SOBP: variants seen among roughly 807,000 people sequenced by gnomAD.
The protein encoded by SOBP is sine oculis-binding protein homolog.
SOBP carries 4 observed loss-of-function variants against 53.6 expected under a neutral mutation model. The ratio of observed to expected loss-of-function variants is 0.07; its 90% CI spans 0.04 to 0.17. SOBP has a LOEUF of 0.17. Among genes scored for constraint, SOBP ranks in the 10% least tolerant of loss-of-function variants. SOBP has a pLI of 1.00. For missense variants in SOBP, 1,088 were observed against 1,204.7 expected, an observed-to-expected ratio of 0.90 and a Z score of 1.43; for synonymous variants, 584 against 522.6, an observed-to-expected ratio of 1.12 and a Z score of -1.60.
Position 107,658,607 on chromosome 6 carries a change from T to C in SOBP, c.*404T>C, listed in dbSNP as rs2114261132. The C allele has an allele frequency of 6.5e-6, 1 of 152,782 alleles. No individual in the cohort carries two copies. The highest frequency in any genetic ancestry group is 2.4e-5 in the African/African-American group (1 of 41,576). The allele number at this position is 152,782 out of a possible 1,614,324, so 9.5% of individuals were successfully genotyped here. ...ATATGGATTGGAACACAAAAAATCT[T>C]TTTTTAATCTTTTTAAAAACTGCTG... is the stretch of plus-strand genomic sequence containing the variant. On this transcript the variant is annotated 3_prime_UTR_variant, in exon 7 of 7. Transcript: ENST00000317357.
At chr6:107,518,071 T>C (rs1157953758) in intron 3 of SOBP, among the ~76,000 whole-genome samples, 1 of 152,138 alleles carries the variant, frequency 6.6e-6, no homozygotes, top group Non-Finnish European at 1.5e-5. Flanking sequence ...AGCAAATCAC[T>C]GAGTACCAGA....
At chr6:107,633,093 G>A (rs1416499869) in intron 5 of SOBP, among the ~76,000 whole-genome samples, 1 of 152,230 alleles carries the variant, frequency 6.6e-6, no homozygotes, top group Non-Finnish European at 1.5e-5. Flanking sequence ...GAGGAGAATT[G>A]TAAGGGGTAA....
Position 107,640,979 on chromosome 6 carries a change from A to G in SOBP, c.*3+5510A>G, listed in dbSNP as rs78804067. ...ACTCGTCCCTGGATGGCCTTCAGCA[A>G]CTCCCCCTGAAATTTCATGGAAAGT... is the stretch of plus-strand genomic sequence containing the variant. On this transcript the variant is annotated intron_variant, in intron 6 of 6. Coordinates refer to ENST00000317357, the MANE Select transcript of SOBP (RefSeq NM_018013.4). Among the ~76,000 whole-genome samples, 1,154 of 151,886 alleles carry G rather than the reference A, an allele frequency of 7.6e-3. 18 individuals are homozygous for G. Among genetic ancestry groups the G allele is most frequent in the East Asian group, 0.028 (146 of 5,166 alleles).
chr6:107,617,803 G>C (rs957012449), intron 5 of SOBP, among the ~76,000 whole-genome samples: 5 of 148,900 alleles, frequency 3.4e-5, no homozygotes, highest in African/African-American at 1.2e-4. Flanking sequence ...TGGGCAGCTT[G>C]GGTTGTTGTA....
rs12661385 is a variant in SOBP at position 107,600,791 on chromosome 6, A to T, written c.669+13616A>T. On this transcript the variant is annotated intron_variant, in intron 5 of 6. Coordinates refer to ENST00000317357, the MANE Select transcript of SOBP (RefSeq NM_018013.4). ...CCATCATGTTTACCACAGAATCCAC[A>T]TCATCAATGCCATCTATCTAGTCAG... is the stretch of plus-strand genomic sequence containing the variant. 2.0e-5 allele frequency among the ~76,000 whole-genome samples: 3 copies of T among 152,124 alleles called. No homozygotes were observed. The South Asian group carries it at 6.2e-4, about 31-fold the overall frequency.
intron 6 of SOBP, among the ~76,000 whole-genome samples, chr6:107,646,924 A>G (rs1771584559): frequency 6.6e-6 from 1 of 152,198 alleles, no homozygotes; most frequent in African/African-American, 2.4e-5. Context: ...TCTCTATGTC[A>G]TGAGTAATGA....
Position 107,503,112 on chromosome 6 carries a change from T to G in SOBP, c.97-545T>G, listed in dbSNP as rs141189917. On this transcript the variant is annotated intron_variant, in intron 1 of 6. Coordinates refer to ENST00000317357, the MANE Select transcript of SOBP (RefSeq NM_018013.4). ...GAAAAAAATAAAAAAGGAAGACCCT[T>G]GTAACCTATTGTAACCTAGCTTTCT... Among the ~76,000 whole-genome samples the G allele has an allele frequency of 1.1e-3, 160 of 152,322 alleles. 2 individuals carry two copies. In the East Asian group the frequency reaches 0.024, roughly 23 times the overall value.
chr6:107,592,661 C>T (rs923117286), intron 5 of SOBP, among the ~76,000 whole-genome samples: 10 of 152,184 alleles, frequency 6.6e-5, no homozygotes, highest in African/African-American at 2.4e-4. Flanking sequence ...ATGATGTATG[C>T]ATACATTGTA....
chr6:107,537,819 C>CAAAAAAAAA (rs527261424), intron 4 of SOBP, among the ~76,000 whole-genome samples: 1 of 94,676 alleles, frequency 1.1e-5, no homozygotes, highest in Non-Finnish European at 2.2e-5. Flanking sequence ...GACCCTATCT[C>CAAAAAAAAA]AAAAAAAAAA....
chr6:107,498,576 C>T (rs1782756184), intron 1 of SOBP, among the ~76,000 whole-genome samples: 1 of 151,828 alleles, frequency 6.6e-6, no homozygotes, highest in Admixed American at 6.6e-5. Context: ...TCATTCACAG[C>T]TCCTCAGAAA....
intron 6 of SOBP, among the ~76,000 whole-genome samples, chr6:107,642,288 A>G (rs1771362515): frequency 6.6e-6 from 1 of 152,152 alleles, no homozygotes; most frequent in South Asian, 2.1e-4. Flanking sequence ...ACATGAGACC[A>G]TCAACAGGGA....
intron 5 of SOBP, among the ~76,000 whole-genome samples, chr6:107,608,873 G>A (rs1291222904): frequency 1.3e-5 from 2 of 152,204 alleles, no homozygotes; most frequent in Admixed American, 6.5e-5. Context: ...TGGGGAGAGG[G>A]AATCCAGTGA....
chr6:107,533,129 G>A (rs925800942), intron 3 of SOBP, among the ~76,000 whole-genome samples: 1 of 148,678 alleles, frequency 6.7e-6, no homozygotes, highest in African/African-American at 2.5e-5. Context: ...TACAAGCTTC[G>A]TTAGTGCTGG....
Position 107,658,323 on chromosome 6 carries a change from T to C in SOBP, c.*120T>C, listed in dbSNP as rs1476275677. Reference sequence around the variant, plus strand: ...CCCCTCTGGCTAAAACTCAAGCAAATAAAGCCGCTTCCTGTCATTAAGCAT... The same window carrying C: ...CCCCTCTGGCTAAAACTCAAGCAAACAAAGCCGCTTCCTGTCATTAAGCAT... On this transcript the variant is annotated 3_prime_UTR_variant, in exon 7 of 7. Coordinates refer to ENST00000317357, the MANE Select transcript of SOBP (RefSeq NM_018013.4). 6.5e-6 allele frequency: 1 copy of C among 152,682 alleles called. No homozygotes were observed. Among genetic ancestry groups the C allele is most frequent in the Admixed American group, 6.5e-5 (1 of 15,272 alleles). 9.5% of individuals were successfully genotyped at this position (152,682 alleles called of 1,614,324 possible).
chr6:107,546,318 A>G (rs1475823050), intron 4 of SOBP, among the ~76,000 whole-genome samples: 1 of 152,250 alleles, frequency 6.6e-6, no homozygotes, highest in African/African-American at 2.4e-5. Flanking sequence ...TTTGCAACTT[A>G]AACAGTGGTT....
At chr6:107,618,649 A>C (rs1003889649) in intron 5 of SOBP, among the ~76,000 whole-genome samples, 1 of 152,242 alleles carries the variant, frequency 6.6e-6, no homozygotes, top group Admixed American at 6.5e-5. Flanking sequence ...AAATACAAAA[A>C]ATAGCGATAT....
Position 107,634,449 on chromosome 6 carries a change from G to GCCCATT in SOBP, c.1610_1611insTCCCAT (p.Ile543_Pro544dup), listed in dbSNP as rs771892919. On this transcript the variant is annotated inframe_insertion, in exon 6 of 7. Transcript: ENST00000317357. The surrounding 1 kb of genome is among the most constrained non-coding windows in gnomAD (Gnocchi z 4.5). The stretch of plus-strand genomic sequence containing the variant: ...ACCCCGTGATCGTGCCCCTACCGGT[G>GCCCATT]CCCATCCCCATCCCCATCCCTATCC... 6.2e-7 allele frequency: 1 copy of GCCCATT among 1,609,446 alleles called. No individual in the cohort carries two copies. The highest frequency in any genetic ancestry group is 8.5e-7 in the Non-Finnish European group (1 of 1,179,826).
At chr6:107,582,833 C>G (rs904178074) in intron 4 of SOBP, among the ~76,000 whole-genome samples, 1 of 152,176 alleles carries the variant, frequency 6.6e-6, no homozygotes, top group African/African-American at 2.4e-5. Flanking sequence ...CAGTGGATAT[C>G]TAGAGCCGAC....
At chr6:107,521,851 A>G (rs1321976009) in intron 3 of SOBP, among the ~76,000 whole-genome samples, 1 of 151,376 alleles carries the variant, frequency 6.6e-6, no homozygotes, top group Non-Finnish European at 1.5e-5. Context: ...TAGTGAGCAA[A>G]ACAGATATGC....
Sources: allele counts gnomAD v4.1 joint callset (sites outside exome capture counted in the v4.1 genomes callset), GRCh38; gene constraint gnomAD v4.1.1; non-coding constraint Gnocchi (gnomAD v3.1); transcripts MANE v1.5; gene names NCBI Gene and HGNC (gene_info 2026-07-23, HGNC 2026-07-21).